RHOG: variants seen among roughly 807,000 people sequenced by gnomAD.
RHOG encodes the protein ras homolog family member G.
Under a neutral mutation model 12.3 loss-of-function variants are expected in RHOG, and 1 was observed. The observed-to-expected ratio is 0.08, with a 90% CI of 0.03 to 0.39. The LOEUF (loss-of-function observed/expected upper bound fraction) is 0.39. RHOG is among the 10% of genes least tolerant of loss of function. The probability of loss-of-function intolerance (pLI) is 0.99; values close to 1 mark genes in which losing one functional copy is unlikely to be tolerated. For synonymous variants in RHOG, 129 were observed against 116.0 expected (o/e 1.11, Z -0.72); for missense variants, 114 against 266.2 (o/e 0.43, Z 3.98).
rs752188308 is a variant in RHOG, at chr11:3,833,509, C to T, written c.-68-5303G>A. On this transcript the variant is annotated intron_variant, in intron 1 of 1. Coordinates refer to ENST00000351018, the MANE Select transcript of RHOG (RefSeq NM_001665.4). ...ATGCCTGGTCCCTCATACTGGCATT[C>T]AGAGTTCTTCACAATTTGATAAGGG... Among the ~76,000 whole-genome samples the T allele has an allele frequency of 7.9e-5, 12 of 152,172 alleles. 1 individual carries two copies. The highest frequency in any genetic ancestry group is 3.3e-4 in the Admixed American group (5 of 15,278).
chr11:3,834,050 GTTAT>G, intron 1 of RHOG, among the ~76,000 whole-genome samples: 2 of 152,180 alleles, frequency 1.3e-5, no homozygotes, highest in Non-Finnish European at 2.9e-5. Flanking sequence ...AGCCTCCTGA[GTTAT>G]TGGGATTACA....
intron 1 of RHOG, among the ~76,000 whole-genome samples, chr11:3,831,415 T>A (rs7930314): frequency 1.3e-4 from 19 of 151,094 alleles, no homozygotes; most frequent in African/African-American, 4.1e-4. Context: ...TGAGAGAGAG[T>A]GTGTGTGTGT....
chr11:3,833,331 G>T (rs1404352202), intron 1 of RHOG, among the ~76,000 whole-genome samples: 1 of 152,146 alleles, frequency 6.6e-6, no homozygotes, highest in Non-Finnish European at 1.5e-5. Context: ...TGTTGCCCAG[G>T]CTGGTCTTGA....
At chr11:3,831,750 TG>T (rs1174142298) in intron 1 of RHOG, among the ~76,000 whole-genome samples, 1 of 152,148 alleles carries the variant, frequency 6.6e-6, no homozygotes, top group Non-Finnish European at 1.5e-5. Flanking sequence ...GCGGATTACG[TG>T]GGAAGCCTTG....
At chr11:3,838,174 T>C (rs1181637101) in intron 1 of RHOG, among the ~76,000 whole-genome samples, 1 of 152,234 alleles carries the variant, frequency 6.6e-6, no homozygotes, top group African/African-American at 2.4e-5. Flanking sequence ...ACCTTGACCA[T>C]ACCTGTTTAG....
chr11:3,834,773 G>T (rs1364201566), intron 1 of RHOG, among the ~76,000 whole-genome samples: 1 of 152,188 alleles, frequency 6.6e-6, no homozygotes, highest in Non-Finnish European at 1.5e-5. Context: ...TGTCCCAACT[G>T]GGAGTGGGGG....
Position 3,839,582 on chromosome 11 carries a change from C to T in RHOG, c.-69+1312G>A, listed in dbSNP as rs192029928. Among the ~76,000 whole-genome samples, 17 of 141,202 alleles carry T rather than the reference C, an allele frequency of 1.2e-4. No homozygotes were observed. The East Asian group carries it at 1.4e-3, about 12-fold the overall frequency. The allele number at this position is 141,202 out of a possible 152,430, so 92.6% of individuals were successfully genotyped here. On this transcript the variant is annotated intron_variant, in intron 1 of 1. Coordinates refer to ENST00000351018, the MANE Select transcript of RHOG (RefSeq NM_001665.4). ...ATGAAGATGTAGATACACAGACACG[C>T]GCGTGCGAACACACACGCAAACACA...
At chr11:3,828,622 A>AT (rs755612599) in intron 1 of RHOG, among the ~76,000 whole-genome samples, 2,479 of 125,698 alleles carry the variant, frequency 0.02, 115 homozygotes, top group African/African-American at 0.049. Context: ...AGTATTAGCT[A>AT]TTTTTTTTTT....
intron 1 of RHOG, among the ~76,000 whole-genome samples, chr11:3,837,519 G>T (rs57000758): frequency 1.3e-5 from 2 of 152,032 alleles, no homozygotes; most frequent in African/African-American, 2.4e-5. Context: ...CAGTCTCTTG[G>T]GGGAGGAAGA....
Position 3,836,696 on chromosome 11 carries a change from C to T in RHOG, c.-69+4198G>A, listed in dbSNP as rs565852274. 9.2e-5 allele frequency among the ~76,000 whole-genome samples: 14 copies of T among 151,662 alleles called. 1 individual carries two copies. In the South Asian group the frequency reaches 1.0e-3, roughly 11 times the overall value. ...GGCAGATCACTTGAGGTCAGGAATT[C>T]GAGACCAGCCTGGCCAGCATGGTGA... On this transcript the variant is annotated intron_variant, in intron 1 of 1. Coordinates refer to ENST00000351018, the MANE Select transcript of RHOG (RefSeq NM_001665.4).
chr11:3,835,296 C>A (rs962165071), intron 1 of RHOG, among the ~76,000 whole-genome samples: 1 of 152,196 alleles, frequency 6.6e-6, no homozygotes, highest in African/African-American at 2.4e-5. Flanking sequence ...CGACTCACCC[C>A]CCTTCAGATC....
At chr11:3,839,051 A>T (rs752584546) in intron 1 of RHOG, among the ~76,000 whole-genome samples, 2 of 152,182 alleles carry the variant, frequency 1.3e-5, no homozygotes, top group South Asian at 4.1e-4. Flanking sequence ...AGGAGCAGAC[A>T]CTTTTGCCTC....
intron 1 of RHOG, among the ~76,000 whole-genome samples, chr11:3,839,602 AACACAC>A (rs112483411): frequency 1.8e-4 from 25 of 141,696 alleles, no homozygotes; most frequent in African/African-American, 2.4e-4. Context: ...CACACACGCA[AACACAC>A]ACACACACAC....
intron 1 of RHOG, among the ~76,000 whole-genome samples, chr11:3,834,253 G>T (rs540174855): frequency 6.6e-6 from 1 of 152,274 alleles, no homozygotes; most frequent in South Asian, 2.1e-4. Context: ...TTGGCTCTGT[G>T]TGATTCTCCT....
intron 1 of RHOG, among the ~76,000 whole-genome samples, chr11:3,831,948 C>G (rs2090131476): frequency 6.6e-6 from 1 of 152,118 alleles, no homozygotes; most frequent in Non-Finnish European, 1.5e-5. Context: ...AGGTGGTTAT[C>G]AACTAGCAAT....
intron 1 of RHOG, among the ~76,000 whole-genome samples, chr11:3,830,251 G>C (rs2090118777): frequency 6.6e-6 from 1 of 152,092 alleles, no homozygotes. Flanking sequence ...TCTAATCACA[G>C]CTCCACCAAC....
chr11:3,827,858 C>T lies in RHOG; in HGVS notation c.281G>A (p.Arg94Gln), dbSNP rs373814185. 13 of 1,614,180 alleles carry T rather than the reference C, an allele frequency of 8.1e-6. No individual in the cohort carries two copies. The highest frequency in any genetic ancestry group is 2.2e-5 in the East Asian group (1 of 44,884). ...GCACACCTCTGGATGCCACTTGTGC[C>T]GCACGTTCTCATAGGACGGCGGACT... ...IASPPSYENV[R>Q]HKWHPEVCHH... The change falls in exon 2 of 2, where the codon CGG becomes CAG. Residue 94 changes from arginine (R) to glutamine (Q), a missense_variant. Transcript: ENST00000351018. The surrounding 1 kb of genome is among the most constrained non-coding windows in gnomAD (Gnocchi z 7.3).
chr11:3,828,920 A>C lies in RHOG; in HGVS notation c.-68-714T>G, dbSNP rs563206237. Reference sequence around the variant, plus strand: ...CAGGCGTGAGCCACTGCGCCTGGCCAGTATTAGCTATTTTTTTTTTCCAGG... The same window carrying C: ...CAGGCGTGAGCCACTGCGCCTGGCCCGTATTAGCTATTTTTTTTTTCCAGG... On this transcript the variant is annotated intron_variant, in intron 1 of 1. Coordinates refer to ENST00000351018, the MANE Select transcript of RHOG (RefSeq NM_001665.4). 1.4e-3 allele frequency among the ~76,000 whole-genome samples: 205 copies of C among 145,602 alleles called. 3 individuals carry two copies. Among genetic ancestry groups the C allele is most frequent in the Middle Eastern group, 3.5e-3 (1 of 286 alleles).
rs530419637 is a variant in RHOG at position 3,827,464 on chromosome 11, T to G, written c.*99A>C. On this transcript the variant is annotated 3_prime_UTR_variant, in exon 2 of 2. Coordinates refer to ENST00000351018, the MANE Select transcript of RHOG (RefSeq NM_001665.4). The surrounding 1 kb of genome is among the most constrained non-coding windows in gnomAD (Gnocchi z 7.3). ...ATTCAGGGAACCCCCTGGAAAGGGG[T>G]GCCAGAATTAGTCCTTAAGGCACAG... 10 of 955,542 alleles carry G rather than the reference T, an allele frequency of 1.0e-5. 1 individual carries two copies. The highest frequency in any genetic ancestry group is 2.3e-4 in the Middle Eastern group (1 of 4,444). 59.2% of individuals were successfully genotyped at this position (955,542 alleles called of 1,614,324 possible). A position where few individuals can be genotyped will look rare whatever the true frequency, so the allele number is the denominator to read the frequency against.
Sources: allele counts gnomAD v4.1 joint callset (sites outside exome capture counted in the v4.1 genomes callset), GRCh38; gene constraint gnomAD v4.1.1; non-coding constraint Gnocchi (gnomAD v3.1); transcripts MANE v1.5; gene names NCBI Gene and HGNC (gene_info 2026-07-23, HGNC 2026-07-21).